CYB5R4: variants seen among roughly 807,000 people sequenced by gnomAD.
CYB5R4 encodes N-terminal cytochrome b5 and cytochrome b5 oxidoreductase domain-containing protein.
CYB5R4 carries 55 observed loss-of-function variants against 70.2 expected under a neutral mutation model. The observed-to-expected ratio is 0.78, with a 90% CI of 0.63 to 0.98. CYB5R4 has a LOEUF of 0.98. Ranked by LOEUF, CYB5R4 falls within the 50% of genes least tolerant of loss-of-function variation. CYB5R4 has a pLI of 0.00. For synonymous variants in CYB5R4, 197 were observed against 199.5 expected (o/e 0.99, Z 0.11); for missense variants, 562 against 612.6 (o/e 0.92, Z 0.87).
chr6:83,934,469 T>G (rs1460266354), intron 10 of CYB5R4, 126 bp from the exon 11 acceptor site: 1 of 608,242 alleles, frequency 1.6e-6, no homozygotes. Flanking sequence ...TTTTTAAATG[T>G]ATAGGCATTT....
At chr6:83,921,246 GT>G (rs1297364766) in intron 8 of CYB5R4, 71 bp downstream of exon 8, 1 of 1,279,588 alleles carries the variant, frequency 7.8e-7, no homozygotes, top group African/African-American at 1.6e-5. Flanking sequence ...TTGGTCTACA[GT>G]CTAGGTAACT....
rs1201017163 is a variant in CYB5R4 at position 83,963,215 on chromosome 6, G to A, written c.*3337G>A. 1 of 152,184 alleles carries A rather than the reference G, an allele frequency of 6.6e-6. No homozygotes were observed. Among genetic ancestry groups the A allele is most frequent in the East Asian group, 1.9e-4 (1 of 5,192 alleles). The allele number at this position is 152,184 out of a possible 1,614,324, so 9.4% of individuals were successfully genotyped here. A position where few individuals can be genotyped will look rare whatever the true frequency, so the allele number is the denominator to read the frequency against. ...AGAAAGAACAGAGAAATTTGTCCAAGATAAGATGATTAGGTTTTGTCTAGA... is the reference window on the plus strand; with the variant it reads ...AGAAAGAACAGAGAAATTTGTCCAAAATAAGATGATTAGGTTTTGTCTAGA... On this transcript the variant is annotated 3_prime_UTR_variant, in exon 16 of 16. Coordinates refer to ENST00000369681, the MANE Select transcript of CYB5R4 (RefSeq NM_016230.4).
rs192605361 is a variant in CYB5R4, at chr6:83,883,668, C to G, written c.230-9854C>G. On this transcript the variant is annotated intron_variant, in intron 2 of 15. Coordinates refer to ENST00000369681, the MANE Select transcript of CYB5R4 (RefSeq NM_016230.4). ...AAGATAGATGCTAAAAGGCATTCAT[C>G]AGGTTGAAAGTTAGTGATACCAGAT... Among the ~76,000 whole-genome samples, 4 of 152,230 alleles carry G rather than the reference C, an allele frequency of 2.6e-5. No individual in the cohort carries two copies. The East Asian group carries it at 7.7e-4, about 29-fold the overall frequency.
At chr6:83,929,875 G>A (rs2099467894) in intron 10 of CYB5R4, among the ~76,000 whole-genome samples, 1 of 151,960 alleles carries the variant, frequency 6.6e-6, no homozygotes, top group South Asian at 2.1e-4. Flanking sequence ...AAAAAAAATT[G>A]TCTCACAATT....
At chr6:83,954,870 A>C (rs983228342) in intron 14 of CYB5R4, among the ~76,000 whole-genome samples, 2 of 150,928 alleles carry the variant, frequency 1.3e-5, no homozygotes, top group African/African-American at 4.9e-5. Flanking sequence ...ATGCCACCAC[A>C]CCTGGCTAAG....
Position 83,919,444 on chromosome 6 carries a change from C to A in CYB5R4, c.554C>A (p.Thr185Asn). 1 of 1,489,378 alleles carries A rather than the reference C, an allele frequency of 6.7e-7. No homozygotes were observed. The highest frequency in any genetic ancestry group is 9.2e-7 in the Non-Finnish European group (1 of 1,091,884). The allele number at this position is 1,489,378 out of a possible 1,614,324, so 92.3% of individuals were successfully genotyped here. Residue 185 changes from threonine (T) to asparagine (N), a missense_variant, in exon 7 of 16, where the codon ACT becomes AAT. Transcript: ENST00000369681. ...TCTTTAGTCACCATTGCCATATATACTAAACAGAAGGTAAATATGTCTTTA... is the reference window on the plus strand; with the variant it reads ...TCTTTAGTCACCATTGCCATATATAATAAACAGAAGGTAAATATGTCTTTA... ...TDSLVTIAIY[T>N]KQKDINLDSI...
intron 13 of CYB5R4, 21 bp from the exon 14 acceptor site, chr6:83,940,493 GA>G: frequency 6.6e-7 from 1 of 1,518,618 alleles, no homozygotes; most frequent in Non-Finnish European, 8.8e-7. Flanking sequence ...AGTTATTTCT[GA>G]GTTTTTTTTT....
At chr6:83,890,795 C>T (rs2099461013) in intron 2 of CYB5R4, among the ~76,000 whole-genome samples, 1 of 152,098 alleles carries the variant, frequency 6.6e-6, no homozygotes, top group East Asian at 1.9e-4. Context: ...AACATCAAGG[C>T]AAGACACTTC....
chr6:83,875,280 T>G (rs1253810411), intron 2 of CYB5R4, among the ~76,000 whole-genome samples: 1 of 152,150 alleles, frequency 6.6e-6, no homozygotes, highest in Non-Finnish European at 1.5e-5. Flanking sequence ...TAATTAAAAT[T>G]TTAATGTTTT....
chr6:83,943,104 G>A (rs1244083843), intron 14 of CYB5R4, among the ~76,000 whole-genome samples: 8 of 152,262 alleles, frequency 5.3e-5, no homozygotes, highest in South Asian at 2.1e-4. Flanking sequence ...CACAGTGCTC[G>A]AGCTCTGCTA....
At position 83,961,192 on chromosome 6, in the gene CYB5R4, C is replaced by T. The variant is rs773724707; in HGVS notation, c.*1314C>T. The T allele has an allele frequency of 6.6e-6, 1 of 152,152 alleles. No homozygotes were observed. The highest frequency in any genetic ancestry group is 1.5e-5 in the Non-Finnish European group (1 of 68,028). 9.4% of individuals were successfully genotyped at this position (152,152 alleles called of 1,614,324 possible). A position where few individuals can be genotyped will look rare whatever the true frequency, so the allele number is the denominator to read the frequency against. ...TGAACACTATCACTTTTTCCTGTGC[C>T]TCTGTCTTCTGTAGCCAATTCCACC... On this transcript the variant is annotated 3_prime_UTR_variant, in exon 16 of 16. Transcript: ENST00000369681.
chr6:83,917,164 T>TTTGTGGGTGTA (rs1246673891), intron 5 of CYB5R4, among the ~76,000 whole-genome samples: 4 of 152,098 alleles, frequency 2.6e-5, no homozygotes, highest in African/African-American at 9.7e-5. Context: ...CAAGATGCAT[T>TTTGTGGGTGTA]TTGTGGGTGT....
rs757971231 is a variant in CYB5R4, at chr6:83,909,102, T to A, written c.412+12T>A. On this transcript the variant is annotated intron_variant, in intron 4 of 15. Transcript: ENST00000369681. ...TGCTGTTCTGAAAGGTAAGTGGTGC[T>A]GGTGCTAAACCAGCATGGATGTGTG... The A allele has an allele frequency of 2.5e-6, 4 of 1,612,060 alleles. No homozygotes were observed. The South Asian group carries it at 4.4e-5, about 18-fold the overall frequency.
chr6:83,915,362 A>G (rs1295836572), intron 5 of CYB5R4, among the ~76,000 whole-genome samples: 3 of 152,228 alleles, frequency 2.0e-5, no homozygotes, highest in African/African-American at 7.2e-5. Context: ...GTTAACTGAA[A>G]TAGTCTATAT....
chr6:83,911,544 A>T (rs966775317), intron 4 of CYB5R4, among the ~76,000 whole-genome samples: 1 of 152,206 alleles, frequency 6.6e-6, no homozygotes, highest in Non-Finnish European at 1.5e-5. Context: ...ATAATTGTAA[A>T]ACATTCAATT....
intron 5 of CYB5R4, 58 bp downstream of exon 5, chr6:83,914,506 A>G: frequency 2.2e-6 from 3 of 1,387,012 alleles, no homozygotes; most frequent in Admixed American, 2.7e-5. Flanking sequence ...AATAGTATTG[A>G]TACACAGAAT....
At chr6:83,958,932 A>G (rs750052900) in intron 15 of CYB5R4, among the ~76,000 whole-genome samples, 6 of 152,226 alleles carry the variant, frequency 3.9e-5, no homozygotes, top group Non-Finnish European at 5.9e-5. Context: ...CTATTTTCCT[A>G]GTTGAACAAT....
chr6:83,900,705 C>G (rs2099462785), intron 3 of CYB5R4, among the ~76,000 whole-genome samples: 1 of 152,062 alleles, frequency 6.6e-6, no homozygotes, highest in South Asian at 2.1e-4. Context: ...TGAATTGATC[C>G]CTTTACCATT....
Position 83,859,727 on chromosome 6 carries a change from G to T in CYB5R4, c.-56G>T. 6.3e-7 allele frequency: 1 copy of T among 1,586,302 alleles called. No individual in the cohort carries two copies. On this transcript the variant is annotated 5_prime_UTR_variant, in exon 1 of 16. It adds an upstream start codon to the 5' untranslated region. Transcript: ENST00000369681. The stretch of plus-strand genomic sequence containing the variant: ...GCCCGGCCACAGAGCCGGAGCTGGA[G>T]GTGCTGTCCCGTCTGGCGGCGATCC...
Sources: allele counts gnomAD v4.1 joint callset (sites outside exome capture counted in the v4.1 genomes callset), GRCh38; gene constraint gnomAD v4.1.1; transcripts MANE v1.5; gene names NCBI Gene and HGNC (gene_info 2026-07-23, HGNC 2026-07-21).